ZHX2: variants seen among roughly 807,000 people sequenced by gnomAD.
ZHX2 encodes the protein zinc fingers and homeoboxes 2.
In ZHX2, 6 loss-of-function variants were observed where a neutral mutation model predicts 21.9. That is an observed-to-expected ratio of 0.27 (90% CI 0.15 to 0.54). ZHX2 has a LOEUF of 0.54. Among genes scored for constraint, ZHX2 ranks in the 20% least tolerant of loss-of-function variants. The probability of loss-of-function intolerance (pLI) is 0.95; values close to 1 mark genes in which losing one functional copy is unlikely to be tolerated. For missense variants in ZHX2, 908 were observed against 1,090.7 expected (o/e 0.83, Z 2.36); for synonymous variants, 434 against 437.1 (o/e 0.99, Z 0.09).
At chr8:122,790,690 C>A (rs1336117591) in intron 1 of ZHX2, among the ~76,000 whole-genome samples, 1 of 152,186 alleles carries the variant, frequency 6.6e-6, no homozygotes, top group African/African-American at 2.4e-5. Context: ...TCATTGCAAC[C>A]TCCGCCTCCT....
chr8:122,806,243 G>C (rs116288112), intron 1 of ZHX2, among the ~76,000 whole-genome samples: 1 of 152,166 alleles, frequency 6.6e-6, no homozygotes, highest in Non-Finnish European at 1.5e-5. Context: ...CTAATTGTGG[G>C]GCTTAGGTTG....
At chr8:122,805,736 TTTC>T (rs145434941) in intron 1 of ZHX2, among the ~76,000 whole-genome samples, 7,103 of 152,166 alleles carry the variant, frequency 0.047, 209 homozygotes, top group South Asian at 0.071. Flanking sequence ...GACATCGAAA[TTTC>T]TAAGTTGTGT....
chr8:122,960,081 C>T (rs1448669274), intron 3 of ZHX2, among the ~76,000 whole-genome samples: 1 of 152,154 alleles, frequency 6.6e-6, no homozygotes, highest in African/African-American at 2.4e-5. Flanking sequence ...ATGTCCCTGC[C>T]CTCATGGAGC....
chr8:122,797,215 C>G (rs1283723893), intron 1 of ZHX2, among the ~76,000 whole-genome samples: 1 of 152,170 alleles, frequency 6.6e-6, no homozygotes, highest in Non-Finnish European at 1.5e-5. Flanking sequence ...AGGACTACAG[C>G]TCTGTAAGGC....
intron 1 of ZHX2, among the ~76,000 whole-genome samples, chr8:122,806,993 G>C (rs1238790295): frequency 6.6e-6 from 1 of 152,186 alleles, no homozygotes; most frequent in African/African-American, 2.4e-5. Context: ...CACTGGTAGA[G>C]CTCACTGGTA....
chr8:122,896,284 A>G lies in ZHX2; in HGVS notation c.-220+32745A>G, dbSNP rs1003564475. 2.0e-5 allele frequency among the ~76,000 whole-genome samples: 3 copies of G among 150,796 alleles called. No homozygotes were observed. The East Asian group carries it at 5.8e-4, about 29-fold the overall frequency. The stretch of plus-strand genomic sequence containing the variant: ...TAAAAGGGATGAGCTCTTCTCTAGG[A>G]ATTATTTTACTCCCTGCCCTCTTCT... On this transcript the variant is annotated intron_variant, in intron 2 of 3. Transcript: ENST00000314393.
intron 1 of ZHX2, among the ~76,000 whole-genome samples, chr8:122,849,558 TG>T (rs1023002335): frequency 1.4e-4 from 22 of 152,316 alleles, no homozygotes; most frequent in Admixed American, 1.0e-3. Context: ...TGGCATTCCT[TG>T]TGGCTGCATT....
At chr8:122,849,194 C>T (rs1818829533) in intron 1 of ZHX2, among the ~76,000 whole-genome samples, 1 of 152,180 alleles carries the variant, frequency 6.6e-6, no homozygotes, top group African/African-American at 2.4e-5. Flanking sequence ...CTGCCATTCA[C>T]CAGCTCTGTT....
At chr8:122,868,302 A>G (rs1819345957) in intron 2 of ZHX2, among the ~76,000 whole-genome samples, 1 of 152,180 alleles carries the variant, frequency 6.6e-6, no homozygotes, top group Non-Finnish European at 1.5e-5. Context: ...ATCTTCTTTC[A>G]TCTTTAGTCT....
At chr8:122,869,563 C>G (rs1488863269) in intron 2 of ZHX2, among the ~76,000 whole-genome samples, 1 of 152,192 alleles carries the variant, frequency 6.6e-6, no homozygotes, top group Non-Finnish European at 1.5e-5. Flanking sequence ...GCATGGCCAA[C>G]ACAGGCTCCC....
Position 122,874,169 on chromosome 8 carries a change from C to T in ZHX2, c.-220+10630C>T, listed in dbSNP as rs968726540. Among the ~76,000 whole-genome samples the T allele has an allele frequency of 7.6e-4, 115 of 152,280 alleles. 1 individual carries two copies. The highest frequency in any genetic ancestry group is 2.8e-3 in the African/African-American group (115 of 41,550). On this transcript the variant is annotated intron_variant, in intron 2 of 3. Coordinates refer to ENST00000314393, the MANE Select transcript of ZHX2 (RefSeq NM_014943.5). Reference sequence around the variant, plus strand: ...ATGCGTTGAGATCACTGACTACCTCCATCTGCAATATTCATTCCTCTTTGC... The same window carrying T: ...ATGCGTTGAGATCACTGACTACCTCTATCTGCAATATTCATTCCTCTTTGC...
In ZHX2 at chr8:122,951,594, C is replaced by T. The variant is rs1586417260; in HGVS notation, c.84C>T (p.Asp28=). 1.9e-6 allele frequency: 3 copies of T among 1,613,838 alleles called. No individual in the cohort carries two copies. The highest frequency in any genetic ancestry group is 2.5e-6 in the Non-Finnish European group (3 of 1,179,976). ...AACAAGATGTGCCCGAGGAAGTAGA[C>T]AGGGCCAAAGAGAAAGGAATCGGCA... is the stretch of plus-strand genomic sequence containing the variant. ...VVEQDVPEEV[D]RAKEKGIGTP... Residue 28 remains aspartate, a synonymous_variant, in exon 3 of 4, where the codon GAC becomes GAT. Transcript: ENST00000314393.
At chr8:122,801,392 A>C (rs142909754) in intron 1 of ZHX2, among the ~76,000 whole-genome samples, 2 of 152,228 alleles carry the variant, frequency 1.3e-5, no homozygotes, top group Admixed American at 6.5e-5. Flanking sequence ...GGATTTTGAC[A>C]TGGGGCTTAT....
chr8:122,841,271 G>A (rs1293856806), intron 1 of ZHX2, among the ~76,000 whole-genome samples: 1 of 152,126 alleles, frequency 6.6e-6, no homozygotes, highest in Non-Finnish European at 1.5e-5. Context: ...GGGATAGCGG[G>A]AAGTCAGCCG....
intron 2 of ZHX2, among the ~76,000 whole-genome samples, chr8:122,898,005 T>C (rs978394987): frequency 6.6e-6 from 1 of 152,212 alleles, no homozygotes; most frequent in Admixed American, 6.5e-5. Context: ...AATGAAACAC[T>C]TCAGGACATT....
intron 2 of ZHX2, among the ~76,000 whole-genome samples, chr8:122,882,926 G>A (rs2129799414): frequency 6.6e-6 from 1 of 152,252 alleles, no homozygotes; most frequent in East Asian, 1.9e-4. Flanking sequence ...AGGTTGCAGT[G>A]AGCTGAGATG....
chr8:122,905,801 G>A (rs951591180), intron 2 of ZHX2, among the ~76,000 whole-genome samples: 5 of 152,166 alleles, frequency 3.3e-5, no homozygotes, highest in African/African-American at 4.8e-5. Context: ...TATTGGGTTG[G>A]CGCAAACATG....
At chr8:122,957,659 T>TG (rs151189855) in intron 3 of ZHX2, among the ~76,000 whole-genome samples, 1 of 152,012 alleles carries the variant, frequency 6.6e-6, no homozygotes, top group African/African-American at 2.4e-5. Flanking sequence ...TTAGTAGAGG[T>TG]GGGGTTTCAC....
chr8:122,888,332 A>G (rs1000385828), intron 2 of ZHX2, among the ~76,000 whole-genome samples: 2 of 152,154 alleles, frequency 1.3e-5, no homozygotes, highest in African/African-American at 4.8e-5. Context: ...ATATTTCTAT[A>G]TATGTATACA....
Sources: gnomAD v4.1 joint callset for allele counts (sites outside exome capture counted in the v4.1 genomes callset) on GRCh38, gnomAD v4.1.1 for gene constraint, MANE v1.5 for transcripts, NCBI Gene and HGNC (gene_info 2026-07-23, HGNC 2026-07-21) for gene names.